Variants in FAM193A observed in about 807,000 individuals in gnomAD.
FAM193A encodes family with sequence similarity 193 member A, also known as protein FAM193A.
A neutral mutation model predicts 126.5 loss-of-function variants in FAM193A; 22 were observed. That is an observed-to-expected ratio of 0.17 (90% CI 0.12 to 0.25). The LOEUF is 0.25. FAM193A is among the 10% of genes least tolerant of loss of function. The pLI is 1.00. For missense variants in FAM193A, 1,675 were observed against 1,672.8 expected (o/e 1.00, Z -0.02); for synonymous variants, 761 against 646.8 (o/e 1.18, Z -2.68).
chr4:2,643,965 A>G (rs1294574960), intron 6 of FAM193A, among the ~76,000 whole-genome samples: 1 of 152,158 alleles, frequency 6.6e-6, no homozygotes, highest in Non-Finnish European at 1.5e-5. Context: ...AACCAATGTT[A>G]TTTCATTCTC....
At position 2,626,432 on chromosome 4, in the gene FAM193A, C is replaced by G. The variant is rs946537728; in HGVS notation, c.658C>G (p.Arg220Gly). The change falls in exon 4 of 21, where the codon CGG becomes GGG. Residue 220 changes from arginine (R) to glycine (G), a missense_variant. This residue lies in a region of FAM193A where 1,186 missense variants were observed against 1,109.2 expected (regional missense o/e 1.07). Coordinates refer to ENST00000637812, the MANE Select transcript of FAM193A (RefSeq NM_001366318.2). ...CAGAGAAATTTCGGCAGAGGCGGAC[C>G]GGGAACCTCAGCAGCTGCAGAACTA... is the stretch of plus-strand genomic sequence containing the variant. ...ERREISAEAD[R>G]EPQQLQNYWS... The G allele has an allele frequency of 1.4e-6, 1 of 700,062 alleles. No individual in the cohort carries two copies. The highest frequency in any genetic ancestry group is 2.6e-6 in the Non-Finnish European group (1 of 382,744). 43.4% of individuals were successfully genotyped at this position (700,062 alleles called of 1,614,324 possible). A position where few individuals can be genotyped will look rare whatever the true frequency, so the allele number is the denominator to read the frequency against.
intron 1 of FAM193A, among the ~76,000 whole-genome samples, chr4:2,567,526 A>G (rs1162155709): frequency 3.3e-5 from 5 of 152,218 alleles, no homozygotes; most frequent in African/African-American, 7.2e-5. Context: ...ATTGATCTCC[A>G]TAAGTTTTTT....
chr4:2,698,173 C>T (rs183616434), intron 18 of FAM193A, among the ~76,000 whole-genome samples: 112 of 152,376 alleles, frequency 7.4e-4, no homozygotes, highest in African/African-American at 2.6e-3. Flanking sequence ...CCTATGGACT[C>T]TGTCCCGTAG....
rs541494990 is a variant in FAM193A at position 2,557,323 on chromosome 4, A to G, written c.255+20153A>G. On this transcript the variant is annotated intron_variant, in intron 1 of 20. Transcript: ENST00000637812. ...TGGATGAGGGCGATGAGGGCATACT[A>G]TTGAGCCTGGAGTTTGTGCATTCTC... is the stretch of plus-strand genomic sequence containing the variant. 7.2e-5 allele frequency among the ~76,000 whole-genome samples: 11 copies of G among 152,260 alleles called. No homozygotes were observed. In the South Asian group the frequency reaches 1.5e-3, roughly 20 times the overall value.
intron 7 of FAM193A, among the ~76,000 whole-genome samples, chr4:2,656,985 G>A (rs949433182): frequency 2.0e-5 from 3 of 152,124 alleles, no homozygotes; most frequent in Non-Finnish European, 2.9e-5. Flanking sequence ...TGGCCAACAT[G>A]GTGAAACACC....
In FAM193A at chr4:2,695,013, G is replaced by C; in HGVS notation, c.3160G>C (p.Glu1054Gln). The C allele has an allele frequency of 1.2e-6, 2 of 1,610,088 alleles. No homozygotes were observed. The highest frequency in any genetic ancestry group is 1.7e-6 in the Non-Finnish European group (2 of 1,178,396). Reference protein sequence around the residue: ...VYDPQQDDGDESADEDSCSEH... With the variant: ...VYDPQQDDGDQSADEDSCSEH... Reference sequence around the variant, plus strand: ...CGACCCACAGCAGGATGATGGGGACGAGAGTGCAGATGAGGACAGCTGCTC... The same window carrying C: ...CGACCCACAGCAGGATGATGGGGACCAGAGTGCAGATGAGGACAGCTGCTC... Residue 1054 changes from glutamate to glutamine, a missense_variant, in exon 17 of 21, where the codon GAG becomes CAG. Coordinates refer to ENST00000637812, the MANE Select transcript of FAM193A (RefSeq NM_001366318.2).
rs557365244 is a variant in FAM193A at position 2,627,773 on chromosome 4, C to T, written c.803+1196C>T. Among the ~76,000 whole-genome samples the T allele has an allele frequency of 2.7e-3, 397 of 148,858 alleles. 1 individual carries two copies. The highest frequency in any genetic ancestry group is 9.2e-3 in the African/African-American group (370 of 40,362). On this transcript the variant is annotated intron_variant, in intron 4 of 20. Transcript: ENST00000637812. Reference sequence around the variant, plus strand: ...TTTTTTTTTTTTTGAGACGATGTCTCGCTCTGTCGCCCAGGCTGGAGTGCA... The same window carrying T: ...TTTTTTTTTTTTTGAGACGATGTCTTGCTCTGTCGCCCAGGCTGGAGTGCA...
chr4:2,661,524 C>G (rs1386901305), intron 10 of FAM193A, among the ~76,000 whole-genome samples: 2 of 152,076 alleles, frequency 1.3e-5, no homozygotes, highest in Non-Finnish European at 2.9e-5. Flanking sequence ...GAGCATTGGC[C>G]CAGGCAGCGT....
chr4:2,659,500 T>C, intron 8 of FAM193A, 58 bp from the exon 9 acceptor site: 9 of 1,168,392 alleles, frequency 7.7e-6, no homozygotes, highest in South Asian at 6.3e-5. Context: ...TGAAAAATAA[T>C]GAGCCATGTC....
At chr4:2,565,748 C>A (rs1371844737) in intron 1 of FAM193A, among the ~76,000 whole-genome samples, 2 of 152,124 alleles carry the variant, frequency 1.3e-5, no homozygotes, top group African/African-American at 4.8e-5. Flanking sequence ...CAGCCTGAGA[C>A]CTTTATAGAG....
chr4:2,604,245 G>A (rs1026789057), intron 2 of FAM193A, among the ~76,000 whole-genome samples: 1 of 150,674 alleles, frequency 6.6e-6, no homozygotes, highest in African/African-American at 2.4e-5. Context: ...TGTATTTGCT[G>A]TATTTGCTAG....
chr4:2,544,485 G>A (rs746883741), intron 1 of FAM193A, among the ~76,000 whole-genome samples: 1 of 152,060 alleles, frequency 6.6e-6, no homozygotes, highest in South Asian at 2.1e-4. Flanking sequence ...GAAGGATCAC[G>A]AGGTCAGGAG....
At chr4:2,549,783 A>G (rs1340415899) in intron 1 of FAM193A, among the ~76,000 whole-genome samples, 1 of 151,790 alleles carries the variant, frequency 6.6e-6, no homozygotes, top group Non-Finnish European at 1.5e-5. Flanking sequence ...GCTGGGGTGC[A>G]GTGACACCAT....
chr4:2,575,162 C>T (rs1163456104), intron 1 of FAM193A, among the ~76,000 whole-genome samples: 3 of 152,100 alleles, frequency 2.0e-5, no homozygotes, highest in African/African-American at 2.4e-5. Context: ...GTGGCCGCGA[C>T]ACTTGCCAAG....
rs1043309341 is a variant in FAM193A at position 2,536,822 on chromosome 4, C to T, written c.-94C>T. 6.8e-5 allele frequency: 10 copies of T among 147,470 alleles called. No individual in the cohort carries two copies. The highest frequency in any genetic ancestry group is 2.2e-4 in the African/African-American group (9 of 40,754). The allele number at this position is 147,470 out of a possible 1,614,324, so 9.1% of individuals were successfully genotyped here. On this transcript the variant is annotated 5_prime_UTR_variant, in exon 1 of 21. Transcript: ENST00000637812. The stretch of plus-strand genomic sequence containing the variant: ...GCGCCCCCCGGCTGGCCGGAGCGCC[C>T]GCCGCCGCGGCCGCCTCAGCCTCCC...
At chr4:2,622,549 GGGTGCT>G (rs1381464634) in intron 2 of FAM193A, among the ~76,000 whole-genome samples, 9 of 152,170 alleles carry the variant, frequency 5.9e-5, no homozygotes, top group African/African-American at 2.2e-4. Flanking sequence ...TTGGTGGCGG[GGGTGCT>G]GCTTTAGCAT....
At chr4:2,548,039 C>T (rs1578569455) in intron 1 of FAM193A, among the ~76,000 whole-genome samples, 1 of 149,420 alleles carries the variant, frequency 6.7e-6, no homozygotes, top group South Asian at 2.1e-4. Context: ...CCTGTATCCT[C>T]TTGGGAGCAG....
intron 13 of FAM193A, among the ~76,000 whole-genome samples, chr4:2,680,958 A>C (rs1715040578): frequency 6.6e-6 from 1 of 152,114 alleles, no homozygotes; most frequent in African/African-American, 2.4e-5. Flanking sequence ...GTACTTTCTT[A>C]TAATACCTTT....
intron 1 of FAM193A, among the ~76,000 whole-genome samples, chr4:2,544,891 A>G (rs1737452528): frequency 6.6e-6 from 1 of 152,078 alleles, no homozygotes; most frequent in Non-Finnish European, 1.5e-5. Context: ...AAAAAAGACT[A>G]TAGATAGAAC....
Sources: gnomAD v4.1 joint callset for allele counts (sites outside exome capture counted in the v4.1 genomes callset) on GRCh38, gnomAD v4.1.1 for gene constraint, gnomAD v4.1.1 regional missense constraint, MANE v1.5 for transcripts, NCBI Gene and HGNC (gene_info 2026-07-23, HGNC 2026-07-21) for gene names.